DNMT1: variants seen among roughly 807,000 people sequenced by gnomAD.
The protein encoded by DNMT1 is DNA methyltransferase 1, also known as DNA (cytosine-5)-methyltransferase 1.
A neutral mutation model predicts 205.3 loss-of-function variants in DNMT1; 24 were observed. The observed-to-expected ratio is 0.12, with a 90% confidence interval of 0.08 to 0.16. DNMT1 has a LOEUF of 0.16. Ranked by LOEUF, DNMT1 falls within the 10% of genes least tolerant of loss-of-function variation. DNMT1 has a pLI of 1.00. For synonymous variants in DNMT1, 817 were observed against 839.8 expected, an observed-to-expected ratio of 0.97 and a Z score of 0.47; for missense variants, 1,293 against 2,177.7, an observed-to-expected ratio of 0.59 and a Z score of 8.09.
At position 10,159,818 on chromosome 19, in the gene DNMT1, G is replaced by A; in HGVS notation, c.1170+24C>T. 1 of 1,614,226 alleles carries A rather than the reference G, an allele frequency of 6.2e-7. No individual in the cohort carries two copies. The highest frequency in any genetic ancestry group is 8.5e-7 in the Non-Finnish European group (1 of 1,180,054). Reference sequence around the variant, plus strand: ...GTGGGACAAGGGACAGGCAGAGGAAGGCTGGGAAGAGAGCTGTACGTACCG... The same window carrying A: ...GTGGGACAAGGGACAGGCAGAGGAAAGCTGGGAAGAGAGCTGTACGTACCG... On this transcript the variant is annotated intron_variant, in intron 16 of 40. Transcript: ENST00000359526. The surrounding 1 kb of genome is among the most constrained non-coding windows in gnomAD (Gnocchi z 5.0).
In DNMT1 at chr19:10,180,773, C is replaced by T; in HGVS notation, c.225+5G>A. On this transcript the variant is annotated splice_donor_5th_base_variant and intron_variant, in intron 3 of 40. Transcript: ENST00000359526. ...TAGAGGCTAGGATGCTGAGAACTGA[C>T]TTACCTCGGATAATTCTTCTTTACG... 6 of 1,613,768 alleles carry T rather than the reference C, an allele frequency of 3.7e-6. No individual in the cohort carries two copies. The highest frequency in any genetic ancestry group is 5.1e-6 in the Non-Finnish European group (6 of 1,179,740).
rs149617045 is a variant in DNMT1 at position 10,191,743 on chromosome 19, C to G, written c.80+3077G>C. Among the ~76,000 whole-genome samples, 362 of 152,242 alleles carry G rather than the reference C, an allele frequency of 2.4e-3. 1 individual carries two copies. The highest frequency in any genetic ancestry group is 8.4e-3 in the African/African-American group (351 of 41,566). ...GGGCCCTGTGGCTCACGCCTGTAAT[C>G]TCAGCCCTTTGGGAGGCCAACGCAG... On this transcript the variant is annotated intron_variant, in intron 1 of 40. Transcript: ENST00000359526.
intron 28 of DNMT1, among the ~76,000 whole-genome samples, chr19:10,145,519 C>T (rs1208526905): frequency 6.6e-6 from 1 of 152,320 alleles, no homozygotes; most frequent in Non-Finnish European, 1.5e-5. Flanking sequence ...AGAAAAAACA[C>T]AGAATGGATC....
rs746394618 is a variant in DNMT1, at chr19:10,180,934, A to T, written c.118-49T>A. On this transcript the variant is annotated intron_variant, in intron 2 of 40. Coordinates refer to ENST00000359526, the MANE Select transcript of DNMT1 (RefSeq NM_001130823.3). ...CAGTACCCACATTCCCAAGCTATTC[A>T]CTAGTGGACTAATACACAAATTATT... 8.9e-6 allele frequency: 13 copies of T among 1,461,738 alleles called. No homozygotes were observed. In the South Asian group the frequency reaches 1.3e-4, roughly 14 times the overall value. 90.5% of individuals were successfully genotyped at this position (1,461,738 alleles called of 1,614,324 possible).
At chr19:10,142,290 T>C (rs1314914800) in intron 29 of DNMT1, 70 bp from the exon 30 acceptor site, 20 of 1,607,766 alleles carry the variant, frequency 1.2e-5, no homozygotes, top group Non-Finnish European at 1.6e-5. Context: ...AACAGTACCA[T>C]GTTCCTGGGG....
rs1228593993 is a variant in DNMT1 at position 10,146,896 on chromosome 19, GT to G, written c.2721-373del. Among the ~76,000 whole-genome samples the G allele has an allele frequency of 2.0e-5, 3 of 152,274 alleles. No individual in the cohort carries two copies. The highest frequency in any genetic ancestry group is 3.9e-4 in the East Asian group (2 of 5,188). ...TGTTCTCTCCATAAAGGCTCAACAGGTATTTGAGGAAATTCAACATTATTCT... is the reference window on the plus strand; with the variant it reads ...TGTTCTCTCCATAAAGGCTCAACAGGATTTGAGGAAATTCAACATTATTCT... On this transcript the variant is annotated intron_variant, in intron 27 of 40. Transcript: ENST00000359526. This position sits in a 1 kb window ranked among gnomAD's most constrained non-coding sequence, Gnocchi z 4.4.
At chr19:10,170,834 T>C (rs528496242) in intron 9 of DNMT1, among the ~76,000 whole-genome samples, 1 of 152,160 alleles carries the variant, frequency 6.6e-6, no homozygotes, top group Admixed American at 6.6e-5. Flanking sequence ...CACTTTATCA[T>C]CCAGGCTGGA....
At chr19:10,190,755 ACT>A (rs943379856) in intron 1 of DNMT1, among the ~76,000 whole-genome samples, 20 of 148,246 alleles carry the variant, frequency 1.3e-4, no homozygotes, top group Non-Finnish European at 2.5e-4. Context: ...ACAGCACAAG[ACT>A]CTGTCTCAAA....
intron 10 of DNMT1, among the ~76,000 whole-genome samples, chr19:10,166,993 T>C (rs1301789153): frequency 6.6e-5 from 10 of 152,154 alleles, no homozygotes; most frequent in Admixed American, 6.6e-4. Context: ...GGAAGACCCA[T>C]GTCTGGCCTG....
Position 10,149,004 on chromosome 19 carries a change from G to C in DNMT1, c.2600C>G (p.Pro867Arg). 2 of 1,614,092 alleles carry C rather than the reference G, an allele frequency of 1.2e-6. No individual in the cohort carries two copies. The highest frequency in any genetic ancestry group is 1.7e-6 in the Non-Finnish European group (2 of 1,180,012). Residue 867 changes from proline (P) to arginine (R), a missense_variant, in exon 27 of 41, where the codon CCC becomes CGC. Physicochemically the swap from Pro to Arg is moderately radical, Grantham distance 103. This residue lies in a region of DNMT1 where 112 missense variants were observed against 116.6 expected (regional missense o/e 0.96). Transcript: ENST00000359526. ...GTCGTCCCCCTCCAGCAGGGACTCG[G>C]GATCCATGCCTCCCTTGGGAGATAA... is the stretch of plus-strand genomic sequence containing the variant. ...ENWAMEGGMD[P>R]ESLLEGDDGK...
chr19:10,138,366 G>A lies in DNMT1; in HGVS notation c.4115+73C>T. 2 of 1,606,450 alleles carry A rather than the reference G, an allele frequency of 1.2e-6. No individual in the cohort carries two copies. Among genetic ancestry groups the A allele is most frequent in the South Asian group, 1.1e-5 (1 of 90,624 alleles). On this transcript the variant is annotated intron_variant, in intron 35 of 40. Transcript: ENST00000359526. The surrounding 1 kb of genome is among the most constrained non-coding windows in gnomAD (Gnocchi z 4.1). ...TCCTCTCCTCCCCAAGCCTCACCAG[G>A]GAGTACTCACGGGCCCCATGAGCTA...
At chr19:10,149,095 G>A (rs1331880653) in intron 26 of DNMT1, 78 bp from the exon 27 acceptor site, 18 of 1,578,412 alleles carry the variant, frequency 1.1e-5, no homozygotes, top group African/African-American at 6.7e-5. Flanking sequence ...AGGCCGAGGC[G>A]GGTGGATCAC....
In DNMT1 at chr19:10,140,903, C is replaced by A; in HGVS notation, c.3401G>T (p.Gly1134Val). Residue 1134 changes from glycine (G) to valine (V), a missense_variant, in exon 32 of 41, where the codon GGC becomes GTC. By Grantham distance (109) the Gly-to-Val change is moderately radical (BLOSUM62 -3). Transcript: ENST00000359526. The surrounding 1 kb of genome is among the most constrained non-coding windows in gnomAD (Gnocchi z 8.4). ...NKGKGKGKGK[G>V]KPKSQACEPS... ...CTCACAGGCTTGGGACTTGGGCTTG[C>A]CCTTCCCTGGGGGAGAGAGGCCAGA... is the stretch of plus-strand genomic sequence containing the variant. 6.2e-7 allele frequency: 1 copy of A among 1,614,010 alleles called. No homozygotes were observed. The highest frequency in any genetic ancestry group is 1.7e-5 in the Admixed American group (1 of 60,014).
At chr19:10,145,219 C>A (rs906978945) in intron 28 of DNMT1, among the ~76,000 whole-genome samples, 1 of 152,142 alleles carries the variant, frequency 6.6e-6, no homozygotes, top group Non-Finnish European at 1.5e-5. Flanking sequence ...CCCACTAGGC[C>A]CCCCAGGAGT....
In DNMT1 at chr19:10,162,989, CAG is replaced by C. The variant is rs1187995544; in HGVS notation, c.927-243_927-242del. ...CTTTTTTTTTTTTTTTTTTTTGAGA[CAG>C]AGTTTCACTCTTGTCCAGGCTGGAG... On this transcript the variant is annotated intron_variant, in intron 12 of 40. Coordinates refer to ENST00000359526, the MANE Select transcript of DNMT1 (RefSeq NM_001130823.3). 1.8e-5 allele frequency: 9 copies of C among 495,044 alleles called. No homozygotes were observed. The Admixed American group carries it at 2.1e-4, about 11-fold the overall frequency. 30.7% of individuals were successfully genotyped at this position (495,044 alleles called of 1,614,324 possible).
At chr19:10,194,356 G>A (rs983827410) in intron 1 of DNMT1, among the ~76,000 whole-genome samples, 11 of 151,912 alleles carry the variant, frequency 7.2e-5, no homozygotes, top group Middle Eastern at 6.8e-3. Flanking sequence ...AAGGCACTGA[G>A]GGACCCCCCA....
intron 9 of DNMT1, among the ~76,000 whole-genome samples, chr19:10,170,646 A>C (rs1186068682): frequency 1.3e-5 from 2 of 152,218 alleles, no homozygotes; most frequent in African/African-American, 2.4e-5. Flanking sequence ...ACTCCGTCTC[A>C]AAAAACAAAA....
chr19:10,133,797 T>A lies in DNMT1; in HGVS notation c.4865-96A>T. On this transcript the variant is annotated intron_variant, in intron 40 of 40. Coordinates refer to ENST00000359526, the MANE Select transcript of DNMT1 (RefSeq NM_001130823.3). The surrounding 1 kb of genome is among the most constrained non-coding windows in gnomAD (Gnocchi z 4.1). The stretch of plus-strand genomic sequence containing the variant: ...ACAGACATGGACCATCAGGAAACAT[T>A]AACGTACTGATGTTAACAGCTGACC... 2 of 1,316,752 alleles carry A rather than the reference T, an allele frequency of 1.5e-6. No homozygotes were observed. The highest frequency in any genetic ancestry group is 2.1e-6 in the Non-Finnish European group (2 of 933,338). 81.6% of individuals were successfully genotyped at this position (1,316,752 alleles called of 1,614,324 possible).
chr19:10,162,578 C>A, intron 13 of DNMT1, 89 bp downstream of exon 13: 1 of 1,420,988 alleles, frequency 7.0e-7, no homozygotes, highest in East Asian at 2.4e-5. Context: ...TCTTCTTTTT[C>A]CTAAGACCAG....
Sources: allele counts gnomAD v4.1 joint callset (sites outside exome capture counted in the v4.1 genomes callset), GRCh38; gene constraint gnomAD v4.1.1; regional missense constraint gnomAD v4.1.1; non-coding constraint Gnocchi (gnomAD v3.1); transcripts MANE v1.5; gene names NCBI Gene and HGNC (gene_info 2026-07-23, HGNC 2026-07-21).